Variants in ANXA7 observed in about 807,000 individuals in gnomAD.
ANXA7 encodes annexin A7.
A neutral mutation model predicts 64.9 loss-of-function variants in ANXA7; 55 were observed. That is an observed-to-expected ratio of 0.85 (90% CI 0.68 to 1.06). The LOEUF (loss-of-function observed/expected upper bound fraction) is 1.06. Among genes scored for constraint, ANXA7 ranks in the 50% least tolerant of loss-of-function variants. ANXA7 has a pLI of 0.00. For synonymous variants in ANXA7, 200 were observed against 192.4 expected (o/e 1.04, Z -0.33); for missense variants, 548 against 582.1 (o/e 0.94, Z 0.60).
chr10:73,386,704 G>C (rs1564524464), intron 7 of ANXA7, among the ~76,000 whole-genome samples: 1 of 152,026 alleles, frequency 6.6e-6, no homozygotes, highest in Non-Finnish European at 1.5e-5. Context: ...GTCTTGTTCT[G>C]TCACCTAGGC....
intron 9 of ANXA7, among the ~76,000 whole-genome samples, chr10:73,382,870 C>T (rs978084845): frequency 2.0e-5 from 3 of 152,162 alleles, no homozygotes; most frequent in Admixed American, 6.5e-5. Context: ...GCATAATGGG[C>T]AGGATAGTGA....
At chr10:73,387,846 CTT>C (rs775570274) in intron 6 of ANXA7, 63 bp from the exon 7 acceptor site, 34,803 of 527,992 alleles carry the variant, frequency 0.066, 2 homozygotes, top group East Asian at 0.099. Flanking sequence ...TTGAGGTCAT[CTT>C]TTTTTTTTTT....
At chr10:73,396,886 T>C (rs970729582) in intron 4 of ANXA7, among the ~76,000 whole-genome samples, 2 of 152,130 alleles carry the variant, frequency 1.3e-5, no homozygotes, top group African/African-American at 4.8e-5. Flanking sequence ...GGGGTGGTTT[T>C]ACTATTGGTA....
At chr10:73,397,424 C>A (rs188673959) in intron 3 of ANXA7, 150 bp from the exon 4 acceptor site, 29 of 419,270 alleles carry the variant, frequency 6.9e-5, no homozygotes, top group African/African-American at 5.3e-4. Flanking sequence ...ACTTCAAATT[C>A]TCCAGTAAAA....
In ANXA7 at chr10:73,398,246, C is replaced by T. The variant is rs1257608156; in HGVS notation, c.194G>A (p.Gly65Asp). Residue 65 changes from glycine (G) to aspartate (D), a missense_variant, in exon 3 of 13, where the codon GGT (glycine) becomes GAT (aspartate). Transcript: ENST00000372921. Reference protein sequence around the residue: ...PGAGGYPAPGGYPAPGGYPGA... With the variant: ...PGAGGYPAPGDYPAPGGYPGA... ...AGGATAGCCTCCAGGGGCTGGATAA[C>T]CTCCAGGCGCAGGGTAGCCTCCAGC... 1 of 1,613,934 alleles carries T rather than the reference C, an allele frequency of 6.2e-7. No homozygotes were observed. The highest frequency in any genetic ancestry group is 8.5e-7 in the Non-Finnish European group (1 of 1,180,026).
At chr10:73,409,740 A>G (rs1056454548) in intron 1 of ANXA7, among the ~76,000 whole-genome samples, 5 of 152,194 alleles carry the variant, frequency 3.3e-5, no homozygotes, top group African/African-American at 1.2e-4. Flanking sequence ...AAATCTGGAG[A>G]CATCACATTA....
At chr10:73,377,826 C>CGTGT (rs58404250) in intron 12 of ANXA7, among the ~76,000 whole-genome samples, 5,767 of 122,120 alleles carry the variant, frequency 0.047, 313 homozygotes, top group East Asian at 0.24. Flanking sequence ...TAGGTTTCAC[C>CGTGT]GTGTGTGTGT....
At chr10:73,396,751 T>G (rs2055582578) in intron 4 of ANXA7, among the ~76,000 whole-genome samples, 168 bp from the exon 5 acceptor site, 1 of 152,208 alleles carries the variant, frequency 6.6e-6, no homozygotes, top group South Asian at 2.1e-4. Context: ...AAAACCAACT[T>G]TGGTCATAAG....
chr10:73,386,195 ACT>A (rs1346001343), intron 7 of ANXA7, among the ~76,000 whole-genome samples: 24 of 146,438 alleles, frequency 1.6e-4, no homozygotes, highest in African/African-American at 6.1e-4. Flanking sequence ...GCCTTTTGAG[ACT>A]CTGTCTCAAA....
intron 1 of ANXA7, among the ~76,000 whole-genome samples, chr10:73,412,730 T>C (rs1381722268): frequency 6.6e-6 from 1 of 151,664 alleles, no homozygotes; most frequent in Admixed American, 6.6e-5. Context: ...CCTCCTGACC[T>C]CGTGAATCTC....
intron 5 of ANXA7, among the ~76,000 whole-genome samples, chr10:73,395,283 G>GT (rs1281346232): frequency 6.6e-6 from 1 of 152,202 alleles, no homozygotes; most frequent in Non-Finnish European, 1.5e-5. Context: ...TCACTAAGAT[G>GT]TTTCTCTTCC....
At chr10:73,411,838 A>G (rs898474078) in intron 1 of ANXA7, among the ~76,000 whole-genome samples, 2 of 151,946 alleles carry the variant, frequency 1.3e-5, no homozygotes, top group Admixed American at 6.6e-5. Flanking sequence ...TCTTTTACCC[A>G]TATATGAAAC....
chr10:73,393,348 G>A (rs2055516047), intron 5 of ANXA7, among the ~76,000 whole-genome samples: 3 of 151,968 alleles, frequency 2.0e-5, no homozygotes, highest in Non-Finnish European at 4.4e-5. Context: ...CACAGAATTG[G>A]AAAAAACTAC....
In ANXA7 at chr10:73,376,133, C is replaced by G. The variant is rs73272348; in HGVS notation, c.1363G>C (p.Asp455His). 404 of 1,603,896 alleles carry G rather than the reference C, an allele frequency of 2.5e-4. 1 individual carries two copies. The African/African-American group carries it at 4.1e-3, about 16-fold the overall frequency. ...ATAGCCAGAAGAAGTCTTCGGTAAT[C>G]TCCACTCGTGTCACCTGCAATCATT... Reference protein sequence around the residue: ...GTMIAGDTSGDYRRLLLAIVG... With the variant: ...GTMIAGDTSGHYRRLLLAIVG... The change falls in exon 13 of 13, where the codon GAT becomes CAT. Residue 455 changes from aspartate (D) to histidine (H), a missense_variant. Asp to His is a moderately conservative substitution (Grantham distance 81). Transcript: ENST00000372921.
chr10:73,409,247 G>A (rs889712164), intron 1 of ANXA7, among the ~76,000 whole-genome samples: 3 of 152,242 alleles, frequency 2.0e-5, no homozygotes, highest in Non-Finnish European at 4.4e-5. Context: ...CAGATATTAT[G>A]ACTATATACC....
chr10:73,412,795 C>CA (rs1299362888), intron 1 of ANXA7, among the ~76,000 whole-genome samples: 1 of 131,626 alleles, frequency 7.6e-6, no homozygotes, highest in Non-Finnish European at 1.6e-5. Flanking sequence ...CGCGCTCGGG[C>CA]TTTTTTTTTT....
rs1288328469 is a variant in ANXA7, at chr10:73,383,208, T to A, written c.885A>T (p.Gly295=). The A allele has an allele frequency of 6.2e-7, 1 of 1,613,996 alleles. No individual in the cohort carries two copies. Among genetic ancestry groups the A allele is most frequent in the African/African-American group, 1.3e-5 (1 of 75,040 alleles). The stretch of plus-strand genomic sequence containing the variant: ...TGGACACAAGTAAACGTTCAAAATG[T>A]CCTGATGTATCTGACCTAATGTCCT... ...LEKDIRSDTS[G]HFERLLVSMC... is the part of the protein sequence containing the mutation. The change falls in exon 9 of 13, where the codon GGA becomes GGT. Residue 295 remains glycine (G), a synonymous_variant. Coordinates refer to ENST00000372921, the MANE Select transcript of ANXA7 (RefSeq NM_001156.5).
intron 5 of ANXA7, among the ~76,000 whole-genome samples, chr10:73,392,709 A>G (rs1460811712): frequency 6.6e-6 from 1 of 152,196 alleles, no homozygotes; most frequent in Non-Finnish European, 1.5e-5. Context: ...TCTCAAAATA[A>G]TAAGAGCTAT....
chr10:73,393,799 G>T (rs919806668), intron 5 of ANXA7, among the ~76,000 whole-genome samples: 1 of 152,130 alleles, frequency 6.6e-6, no homozygotes, highest in Non-Finnish European at 1.5e-5. Flanking sequence ...ATAAGCATCG[G>T]CAAGGACTTC....
Sources: allele counts gnomAD v4.1 joint callset (sites outside exome capture counted in the v4.1 genomes callset), GRCh38; gene constraint gnomAD v4.1.1; transcripts MANE v1.5; gene names NCBI Gene and HGNC (gene_info 2026-07-23, HGNC 2026-07-21).